Variants in LONP2 observed in about 807,000 individuals in gnomAD.
LONP2 encodes lon peptidase 2, peroxisomal, also known as lon protease homolog 2, peroxisomal.
A neutral mutation model predicts 85.6 loss-of-function variants in LONP2; 60 were observed. The ratio of observed to expected loss-of-function variants is 0.70; its 90% CI spans 0.57 to 0.87. The LOEUF is 0.87. LONP2 is among the 40% of genes least tolerant of loss of function. LONP2 has a pLI of 0.00. For synonymous variants in LONP2, 395 were observed against 389.7 expected, an observed-to-expected ratio of 1.01 and a Z score of -0.16; for missense variants, 860 against 1,063.5, an observed-to-expected ratio of 0.81 and a Z score of 2.66.
chr16:48,340,601 A>G (rs796090978), intron 12 of LONP2, among the ~76,000 whole-genome samples: 36 of 152,374 alleles, frequency 2.4e-4, no homozygotes, highest in African/African-American at 8.4e-4. Context: ...TTAATTAATA[A>G]TATCTTTTGT....
rs189676693 is a variant in LONP2, at chr16:48,274,729, T to G, written c.1242-2609T>G. ...AAATGTGAAAAATAAGGGGAAAAAA[T>G]CCTCATGTTTTTCTACCGTACAAAG... On this transcript the variant is annotated intron_variant, in intron 7 of 14. Coordinates refer to ENST00000285737, the MANE Select transcript of LONP2 (RefSeq NM_031490.5). Among the ~76,000 whole-genome samples the G allele has an allele frequency of 1.1e-3, 160 of 151,704 alleles. 5 individuals carry two copies. The highest frequency in any genetic ancestry group is 5.9e-5 in the Non-Finnish European group (4 of 67,940).
At chr16:48,258,782 TAAG>T (rs763162652) in intron 4 of LONP2, 42 bp downstream of exon 4, 121 of 1,537,430 alleles carry the variant, frequency 7.9e-5, no homozygotes, top group African/African-American at 9.8e-5. Context: ...GAAAAAAAAA[TAAG>T]GAGAATAAAG....
rs1959572025 is a variant in LONP2, at chr16:48,334,362, A to G, written c.1938+4A>G. ...GCCCCCGATGTATGAAATGGAGGTG[A>G]TTCATTCTTTTTATTTCTTTTTGCT... On this transcript the variant is annotated splice_donor_region_variant and intron_variant, in intron 12 of 14. Coordinates refer to ENST00000285737, the MANE Select transcript of LONP2 (RefSeq NM_031490.5). 1 of 1,613,908 alleles carries G rather than the reference A, an allele frequency of 6.2e-7. No individual in the cohort carries two copies. The highest frequency in any genetic ancestry group is 1.1e-5 in the South Asian group (1 of 91,082).
intron 12 of LONP2, 78 bp from the exon 13 acceptor site, chr16:48,347,429 C>T (rs959944742): frequency 2.2e-5 from 31 of 1,411,832 alleles, no homozygotes; most frequent in South Asian, 7.0e-5. Flanking sequence ...TGGAGTCAGC[C>T]GACTCTTGCA....
intron 8 of LONP2, among the ~76,000 whole-genome samples, chr16:48,287,573 G>A (rs1385344460): frequency 6.6e-6 from 1 of 152,216 alleles, no homozygotes; most frequent in Non-Finnish European, 1.5e-5. Context: ...AACAGGGACA[G>A]TTCTCTGGGG....
intron 3 of LONP2, among the ~76,000 whole-genome samples, chr16:48,257,472 T>C (rs1971784027): frequency 6.6e-6 from 1 of 152,152 alleles, no homozygotes; most frequent in African/African-American, 2.4e-5. Context: ...GCATTACTTA[T>C]AATTTTAAAT....
intron 6 of LONP2, among the ~76,000 whole-genome samples, chr16:48,266,808 T>C (rs1971999249): frequency 6.6e-6 from 1 of 152,070 alleles, no homozygotes; most frequent in South Asian, 2.1e-4. Flanking sequence ...AAAATAAAGC[T>C]GTCTGGGCAC....
chr16:48,264,839 C>G (rs1433565581), intron 6 of LONP2, among the ~76,000 whole-genome samples: 2 of 152,218 alleles, frequency 1.3e-5, no homozygotes, highest in Non-Finnish European at 2.9e-5. Context: ...CAGCCGGTCC[C>G]TCCGTTTGGG....
At chr16:48,293,483 G>A (rs1438884923) in intron 8 of LONP2, among the ~76,000 whole-genome samples, 1 of 151,970 alleles carries the variant, frequency 6.6e-6, no homozygotes, top group African/African-American at 2.4e-5. Context: ...TACTCATGAC[G>A]CTTATTAAAG....
Position 48,303,241 on chromosome 16 carries a change from G to A in LONP2, c.1731G>A (p.Val577=). 1.2e-6 allele frequency: 2 copies of A among 1,614,174 alleles called. No individual in the cohort carries two copies. Among genetic ancestry groups the A allele is most frequent in the Non-Finnish European group, 1.7e-6 (2 of 1,180,028 alleles). ...KLGAICRAVA[V]KVAEGQHKEA... ...GGGCCATTTGCCGAGCTGTGGCCGT[G>A]AAGGTGGCAGAAGGACAGCATAAGG... Residue 577 remains valine, a synonymous_variant, in exon 11 of 15, where the codon GTG becomes GTA. Coordinates refer to ENST00000285737, the MANE Select transcript of LONP2 (RefSeq NM_031490.5).
At chr16:48,256,532 C>T (rs935533442) in intron 2 of LONP2, 78 bp from the exon 3 acceptor site, 7 of 1,477,446 alleles carry the variant, frequency 4.7e-6, no homozygotes, top group Middle Eastern at 3.7e-4. Context: ...AAACATTAAA[C>T]CTAGATGGAA....
At chr16:48,360,626 A>G (rs73562050), downstream of LONP2, 32 of 152,804 alleles carry the variant, frequency 2.1e-4, no homozygotes, top group African/African-American at 7.0e-4. Flanking sequence ...TTTGCTTTTA[A>G]TTACAAATAC....
intron 11 of LONP2, among the ~76,000 whole-genome samples, chr16:48,307,699 AG>A (rs912986629): frequency 2.0e-5 from 3 of 152,236 alleles, no homozygotes; most frequent in South Asian, 2.1e-4. Context: ...AAAATTGGTT[AG>A]AAAAAAAAGA....
intron 8 of LONP2, among the ~76,000 whole-genome samples, chr16:48,288,444 C>T (rs972059173): frequency 3.9e-5 from 6 of 152,078 alleles, no homozygotes; most frequent in African/African-American, 1.2e-4. Flanking sequence ...TGAGCCACCG[C>T]GCCCAGTCAG....
intron 8 of LONP2, among the ~76,000 whole-genome samples, chr16:48,283,543 A>G (rs973181322): frequency 2.0e-5 from 3 of 152,308 alleles, no homozygotes; most frequent in Non-Finnish European, 4.4e-5. Context: ...TGTTCTGTAA[A>G]TGGAACAACA....
chr16:48,269,559 A>G (rs1210012648), intron 6 of LONP2, among the ~76,000 whole-genome samples: 1 of 152,230 alleles, frequency 6.6e-6, no homozygotes. Flanking sequence ...GGAATTACAC[A>G]TACTGAAGTA....
downstream of LONP2, chr16:48,361,572 T>C (rs371272170): frequency 3.6e-5 from 58 of 1,609,756 alleles, no homozygotes; most frequent in Non-Finnish European, 4.6e-5. Context: ...AAATGTTTGA[T>C]TGCCATTTCA....
At chr16:48,275,634 G>C (rs1972191888) in intron 7 of LONP2, among the ~76,000 whole-genome samples, 1 of 152,122 alleles carries the variant, frequency 6.6e-6, no homozygotes, top group African/African-American at 2.4e-5. Flanking sequence ...TTAAGGGCAG[G>C]AAGGCACCAT....
At chr16:48,277,239 C>A in intron 7 of LONP2, 99 bp from the exon 8 acceptor site, 3 of 1,168,958 alleles carry the variant, frequency 2.6e-6, no homozygotes, top group East Asian at 2.4e-5. Flanking sequence ...ATAGTGATAG[C>A]TAAATGATCT....
Sources: gnomAD v4.1 joint callset for allele counts (sites outside exome capture counted in the v4.1 genomes callset) on GRCh38, gnomAD v4.1.1 for gene constraint, MANE v1.5 for transcripts, NCBI Gene and HGNC (gene_info 2026-07-23, HGNC 2026-07-21) for gene names.